The following SSBP2 variants were observed in gnomAD, a reference collection of about 807,000 sequenced individuals.
SSBP2 encodes single-stranded DNA-binding protein 2.
In SSBP2, 17 loss-of-function variants were observed where a neutral mutation model predicts 61.8. That is an observed-to-expected ratio of 0.28 (90% CI 0.19 to 0.41). The LOEUF is 0.41. SSBP2 is among the 10% of genes least tolerant of loss of function. SSBP2 has a pLI of 1.00. For missense variants in SSBP2, 310 were observed against 458.7 expected (o/e 0.68, Z 2.96); for synonymous variants, 139 against 141.3 (o/e 0.98, Z 0.12).
chr5:81,665,648 C>T (rs2153752795), intron 1 of SSBP2, among the ~76,000 whole-genome samples: 1 of 152,242 alleles, frequency 6.6e-6, no homozygotes, highest in East Asian at 1.9e-4. Flanking sequence ...CGCCAGGCAC[C>T]ATGTCTGGCT....
intron 4 of SSBP2, among the ~76,000 whole-genome samples, chr5:81,600,660 A>G (rs1744274860): frequency 6.6e-6 from 1 of 151,992 alleles, no homozygotes; most frequent in African/African-American, 2.4e-5. Context: ...CAGAATCATA[A>G]GAAAAAAATG....
chr5:81,456,164 G>T (rs1024326961), intron 10 of SSBP2, among the ~76,000 whole-genome samples: 14 of 152,138 alleles, frequency 9.2e-5, no homozygotes, highest in African/African-American at 3.1e-4. Flanking sequence ...GGAGTAATTT[G>T]TTCATATTTC....
At chr5:81,749,029 T>C (rs1046082757) in intron 1 of SSBP2, among the ~76,000 whole-genome samples, 1 of 152,220 alleles carries the variant, frequency 6.6e-6, no homozygotes, top group Non-Finnish European at 1.5e-5. Context: ...AATAAGATCA[T>C]GCCTCAATAC....
At chr5:81,600,236 C>T (rs1581137793) in intron 4 of SSBP2, among the ~76,000 whole-genome samples, 1 of 151,984 alleles carries the variant, frequency 6.6e-6, no homozygotes, top group African/African-American at 2.4e-5. Context: ...ACACCTAAAG[C>T]TTTACAAAGC....
At chr5:81,466,161 G>A (rs530614041) in intron 9 of SSBP2, among the ~76,000 whole-genome samples, 5 of 151,784 alleles carry the variant, frequency 3.3e-5, no homozygotes, top group Non-Finnish European at 2.9e-5. Flanking sequence ...CATTACTTTT[G>A]GTAAATTTTC....
intron 1 of SSBP2, among the ~76,000 whole-genome samples, chr5:81,662,796 A>G (rs1267702007): frequency 1.3e-5 from 2 of 152,158 alleles, no homozygotes; most frequent in Admixed American, 6.5e-5. Flanking sequence ...GCAAGACTCA[A>G]TCTCAAAAAC....
intron 4 of SSBP2, among the ~76,000 whole-genome samples, chr5:81,548,005 C>T (rs1008205638): frequency 3.3e-5 from 5 of 152,116 alleles, no homozygotes; most frequent in Admixed American, 6.5e-5. Flanking sequence ...ACAATATACA[C>T]GTATAAACCC....
intron 1 of SSBP2, among the ~76,000 whole-genome samples, chr5:81,708,461 C>A (rs1254128065): frequency 6.6e-6 from 1 of 151,964 alleles, no homozygotes; most frequent in Admixed American, 6.6e-5. Context: ...AAAAGTTGTT[C>A]AATTTTCCTT....
intron 4 of SSBP2, among the ~76,000 whole-genome samples, chr5:81,562,873 A>G (rs187930781): frequency 9.7e-4 from 148 of 152,310 alleles, no homozygotes; most frequent in African/African-American, 3.2e-3. Flanking sequence ...TGAAAATTAT[A>G]AATCACTAAT....
chr5:81,694,382 T>C (rs1419842053), intron 1 of SSBP2, among the ~76,000 whole-genome samples: 1 of 152,214 alleles, frequency 6.6e-6, no homozygotes, highest in Non-Finnish European at 1.5e-5. Context: ...TACCCCCATT[T>C]ACCCTGTGAT....
chr5:81,707,013 C>T (rs1003429351), intron 1 of SSBP2, among the ~76,000 whole-genome samples: 3 of 152,144 alleles, frequency 2.0e-5, no homozygotes, highest in Admixed American at 6.6e-5. Context: ...ATTATAAATA[C>T]GGGTTATTTC....
intron 3 of SSBP2, among the ~76,000 whole-genome samples, chr5:81,622,120 TA>T (rs76185243): frequency 0.014 from 1,747 of 126,994 alleles, 16 homozygotes; most frequent in African/African-American, 0.033. Flanking sequence ...AAAAAAAAAT[TA>T]AAAAAAAAAA....
intron 4 of SSBP2, among the ~76,000 whole-genome samples, chr5:81,558,512 CAT>C (rs1772780449): frequency 1.9e-5 from 1 of 52,490 alleles, no homozygotes; most frequent in African/African-American, 9.1e-4. Context: ...TAAATATGAA[CAT>C]GAATAAATAT....
intron 12 of SSBP2, chr5:81,443,260 G>C (rs1193466850): frequency 6.6e-6 from 1 of 152,060 alleles, no homozygotes; most frequent in African/African-American, 2.4e-5. Flanking sequence ...CTAAAAGCCA[G>C]CTTCTTCCAG....
chr5:81,666,592 A>C (rs1052135186), intron 1 of SSBP2, among the ~76,000 whole-genome samples: 3 of 152,208 alleles, frequency 2.0e-5, no homozygotes, highest in Admixed American at 1.3e-4. Flanking sequence ...TAAAAATGTA[A>C]ATTTTTAAAA....
At chr5:81,731,553 C>T (rs922105123) in intron 1 of SSBP2, among the ~76,000 whole-genome samples, 1 of 152,052 alleles carries the variant, frequency 6.6e-6, no homozygotes, top group African/African-American at 2.4e-5. Flanking sequence ...GTAAAGGACC[C>T]TAAACAATAC....
At chr5:81,554,679 T>C (rs1171438431) in intron 4 of SSBP2, among the ~76,000 whole-genome samples, 6 of 151,888 alleles carry the variant, frequency 4.0e-5, no homozygotes, top group Non-Finnish European at 7.4e-5. Flanking sequence ...GAAAAAGAGG[T>C]TTAGAATTGT....
intron 4 of SSBP2, among the ~76,000 whole-genome samples, chr5:81,590,672 G>A (rs912454829): frequency 3.3e-5 from 5 of 152,206 alleles, no homozygotes; most frequent in East Asian, 1.9e-4. Context: ...AGAGACTGGA[G>A]AGCCTCCCTC....
intron 1 of SSBP2, among the ~76,000 whole-genome samples, chr5:81,733,600 T>C (rs1443818007): frequency 6.6e-6 from 1 of 152,216 alleles, no homozygotes; most frequent in Non-Finnish European, 1.5e-5. Flanking sequence ...AATTGTTGTC[T>C]TTAATCCTCC....
Sources: allele counts gnomAD v4.1 joint callset (sites outside exome capture counted in the v4.1 genomes callset), GRCh38; gene constraint gnomAD v4.1.1; transcripts MANE v1.5; gene names NCBI Gene and HGNC (gene_info 2026-07-23, HGNC 2026-07-21).